The following SLC25A48 variants were observed in gnomAD, a reference collection of about 807,000 sequenced individuals.
SLC25A48 encodes CTC-321K16.1.
A neutral mutation model predicts 32.2 loss-of-function variants in SLC25A48; 29 were observed. The ratio of observed to expected loss-of-function variants is 0.90; its 90% CI spans 0.67 to 1.23. The LOEUF (loss-of-function observed/expected upper bound fraction) is 1.23, where lower values mean the gene tolerates loss of function less well. Among genes scored for constraint, SLC25A48 ranks in the 50% most tolerant of loss-of-function variants. The pLI, the probability that SLC25A48 is intolerant of heterozygous loss-of-function variation, is 0.00. For missense variants in SLC25A48, 399 were observed against 422.7 expected (o/e 0.94, Z 0.49); for synonymous variants, 164 against 172.3 (o/e 0.95, Z 0.38).
chr5:135,796,917 G>T (rs1322725019), intron 3 of SLC25A48, among the ~76,000 whole-genome samples: 1 of 151,712 alleles, frequency 6.6e-6, no homozygotes, highest in African/African-American at 2.4e-5. Context: ...CCCCTCCTGC[G>T]ATATTGCTTT....
At chr5:135,850,251 A>G (rs899570007) in intron 2 of SLC25A48, among the ~76,000 whole-genome samples, 174 bp from the exon 3 acceptor site, 5 of 152,222 alleles carry the variant, frequency 3.3e-5, no homozygotes, top group African/African-American at 1.2e-4. Flanking sequence ...TGAATGGGAC[A>G]TTAGAGGGAG....
intron 3 of SLC25A48, chr5:135,650,522 C>T (rs891236465): frequency 7.1e-6 from 3 of 423,330 alleles, no homozygotes; most frequent in Middle Eastern, 6.9e-4. Context: ...CAAGGGATGA[C>T]CCTGAACAAA....
At chr5:135,684,304 C>T (rs1416726593) in intron 3 of SLC25A48, among the ~76,000 whole-genome samples, 2 of 151,948 alleles carry the variant, frequency 1.3e-5, no homozygotes, top group Non-Finnish European at 2.9e-5. Flanking sequence ...CCTTCTCCCC[C>T]TTTTTTTTCC....
At chr5:135,824,955 G>T (rs1279804262) in intron 4 of SLC25A48, 1 of 152,300 alleles carries the variant, frequency 6.6e-6, no homozygotes, top group East Asian at 1.9e-4. Flanking sequence ...TTGGAGCAAG[G>T]TGTCACTGGT....
intron 3 of SLC25A48, among the ~76,000 whole-genome samples, chr5:135,799,706 T>C (rs1321711484): frequency 6.6e-6 from 1 of 151,602 alleles, no homozygotes; most frequent in African/African-American, 2.4e-5. Flanking sequence ...TTCCTGTAAA[T>C]TTGTTCCTAA....
intron 3 of SLC25A48, among the ~76,000 whole-genome samples, chr5:135,746,083 C>T (rs1467055417): frequency 2.0e-5 from 3 of 152,180 alleles, no homozygotes; most frequent in East Asian, 1.9e-4. Flanking sequence ...TCCGCCCTCA[C>T]GCTGCCTACT....
intron 1 of SLC25A48, 93 bp from the exon 2 acceptor site, chr5:135,842,323 G>C: frequency 1.5e-6 from 2 of 1,351,420 alleles, no homozygotes; most frequent in Non-Finnish European, 2.1e-6. Flanking sequence ...ATTGACCGTT[G>C]ACTAAACAAG....
rs554822818 is a variant in SLC25A48 at position 135,653,625 on chromosome 5, A to G, written c.-521+18669A>G. Among the ~76,000 whole-genome samples the G allele has an allele frequency of 2.0e-5, 3 of 152,308 alleles. No individual in the cohort carries two copies. In the South Asian group the frequency reaches 6.2e-4, roughly 32 times the overall value. ...TGTACCAGTTCTGCATATTTTCTCT[A>G]GAGGAGGAGGAGACTGCAGGCTAGT... On this transcript the variant is annotated intron_variant, in intron 3 of 10. Coordinates refer to the SLC25A48 transcript ENST00000646290.
At chr5:135,799,255 G>A (rs1273393832) in intron 3 of SLC25A48, among the ~76,000 whole-genome samples, 6 of 151,560 alleles carry the variant, frequency 4.0e-5, no homozygotes, top group Admixed American at 3.3e-4. Flanking sequence ...ATTGTTTCCA[G>A]TATCCAGGGA....
intron 3 of SLC25A48, among the ~76,000 whole-genome samples, chr5:135,779,215 G>T (rs934441511): frequency 2.0e-5 from 3 of 151,706 alleles, no homozygotes; most frequent in Non-Finnish European, 4.4e-5. Context: ...ATTGCATGGG[G>T]TGTGCACACC....
At chr5:135,722,834 C>A (rs1015268689) in intron 3 of SLC25A48, among the ~76,000 whole-genome samples, 1 of 152,222 alleles carries the variant, frequency 6.6e-6, no homozygotes, top group Non-Finnish European at 1.5e-5. Flanking sequence ...GGTGTCCGGT[C>A]AGGTTGACCT....
intron 4 of SLC25A48, among the ~76,000 whole-genome samples, chr5:135,862,481 C>T (rs1760875351): frequency 6.6e-6 from 1 of 152,198 alleles, no homozygotes; most frequent in Non-Finnish European, 1.5e-5. Context: ...ACAAGCATTT[C>T]CTGAGCCCCT....
chr5:135,788,368 G>A (rs868533021), intron 3 of SLC25A48, among the ~76,000 whole-genome samples: 7 of 144,570 alleles, frequency 4.8e-5, no homozygotes, highest in African/African-American at 7.6e-5. Context: ...ACACCCCCCC[G>A]CCATATGGTC....
chr5:135,670,018 C>T lies in SLC25A48; in HGVS notation c.-521+35062C>T, dbSNP rs78343876. ...CGCATAGGTACTTTGCAGACCTTCC[C>T]GTGATGACTGGAATGATGTCCCTGC... On this transcript the variant is annotated intron_variant, in intron 3 of 10. Transcript: ENST00000646290. 2.2e-4 allele frequency among the ~76,000 whole-genome samples: 34 copies of T among 152,294 alleles called. No individual in the cohort carries two copies. In the East Asian group the frequency reaches 4.6e-3, roughly 21 times the overall value.
intron 3 of SLC25A48, among the ~76,000 whole-genome samples, chr5:135,658,641 G>A (rs1753313103): frequency 6.6e-6 from 1 of 152,216 alleles, no homozygotes; most frequent in Admixed American, 6.5e-5. Flanking sequence ...CCCTAGCAGA[G>A]GTTCTCCATG....
At chr5:135,815,097 C>T (rs1278675634) in intron 4 of SLC25A48, among the ~76,000 whole-genome samples, 3 of 152,154 alleles carry the variant, frequency 2.0e-5, no homozygotes, top group African/African-American at 7.2e-5. Context: ...CTATGGAGAT[C>T]CTGGAACCCT....
At chr5:135,680,335 A>C (rs888847005) in intron 3 of SLC25A48, among the ~76,000 whole-genome samples, 1 of 152,198 alleles carries the variant, frequency 6.6e-6, no homozygotes, top group Non-Finnish European at 1.5e-5. Flanking sequence ...GCTAGCACAG[A>C]TCCTTTGCAT....
At chr5:135,797,082 AAT>A (rs1757202323) in intron 3 of SLC25A48, among the ~76,000 whole-genome samples, 1 of 151,744 alleles carries the variant, frequency 6.6e-6, no homozygotes, top group Non-Finnish European at 1.5e-5. Flanking sequence ...TATTGTTCCT[AAT>A]ATGCGAAGGG....
intron 3 of SLC25A48, among the ~76,000 whole-genome samples, chr5:135,759,024 C>A (rs1273005051): frequency 6.6e-6 from 1 of 151,452 alleles, no homozygotes; most frequent in Non-Finnish European, 1.5e-5. Flanking sequence ...TGAATAATAT[C>A]AAGTGTTGAC....
Sources: allele counts gnomAD v4.1 joint callset (sites outside exome capture counted in the v4.1 genomes callset), GRCh38; gene constraint gnomAD v4.1.1; transcripts MANE v1.5; gene names NCBI Gene and HGNC (gene_info 2026-07-23, HGNC 2026-07-21).